Variants in GTF3C5 observed in about 807,000 individuals in gnomAD.
The protein encoded by GTF3C5 is general transcription factor 3C polypeptide 5.
GTF3C5 carries 47 observed loss-of-function variants against 61.0 expected under a neutral mutation model. The ratio of observed to expected loss-of-function variants is 0.77; its 90% CI spans 0.61 to 0.98. GTF3C5 has a LOEUF of 0.98. Ranked by LOEUF, GTF3C5 falls within the 50% of genes least tolerant of loss-of-function variation. The pLI, the probability that GTF3C5 is intolerant of heterozygous loss-of-function variation, is 0.00. For synonymous variants in GTF3C5, 295 were observed against 275.4 expected (o/e 1.07, Z -0.71); for missense variants, 659 against 703.3 (o/e 0.94, Z 0.71).
intron 1 of GTF3C5, among the ~76,000 whole-genome samples, chr9:133,038,942 T>C (rs1355994312): frequency 1.3e-5 from 2 of 152,142 alleles, no homozygotes; most frequent in African/African-American, 4.8e-5. Context: ...GACTGTTATG[T>C]TGTTAGGATT....
intron 5 of GTF3C5, among the ~76,000 whole-genome samples, chr9:133,052,500 C>T (rs1424703769): frequency 1.3e-5 from 2 of 151,924 alleles, no homozygotes; most frequent in Non-Finnish European, 2.9e-5. Flanking sequence ...CCCTCCACAG[C>T]CTGTTGGGCT....
intron 1 of GTF3C5, among the ~76,000 whole-genome samples, chr9:133,036,849 C>T (rs1488098514): frequency 6.6e-6 from 1 of 152,132 alleles, no homozygotes; most frequent in Non-Finnish European, 1.5e-5. Context: ...CAGTTCCTGT[C>T]CTTCGTATCA....
At chr9:133,038,765 C>CT (rs919330052) in intron 1 of GTF3C5, among the ~76,000 whole-genome samples, 5 of 151,720 alleles carry the variant, frequency 3.3e-5, no homozygotes, top group African/African-American at 9.7e-5. Flanking sequence ...CTCCTAGGGG[C>CT]TTTTTTTTCA....
upstream of GTF3C5, chr9:133,030,760 C>T: frequency 5.0e-6 from 3 of 600,618 alleles, no homozygotes; most frequent in Middle Eastern, 3.4e-4. Context: ...CTGGTGCTTG[C>T]CCCGCCCGGT....
intron 5 of GTF3C5, among the ~76,000 whole-genome samples, chr9:133,053,185 G>C (rs912939108): frequency 6.6e-6 from 1 of 152,142 alleles, no homozygotes; most frequent in Admixed American, 6.5e-5. Context: ...TCCGTTTAGG[G>C]ACAGAAGATG....
chr9:133,044,317 G>A (rs919398884), intron 3 of GTF3C5: 5 of 205,490 alleles, frequency 2.4e-5, no homozygotes, highest in African/African-American at 1.2e-4. Flanking sequence ...CAGTCCTGAG[G>A]ACAGTGCAAA....
chr9:133,034,618 G>A (rs535253209), intron 1 of GTF3C5, among the ~76,000 whole-genome samples: 6 of 152,140 alleles, frequency 3.9e-5, no homozygotes, highest in Middle Eastern at 3.4e-3. Flanking sequence ...CTTTTCAGCC[G>A]TTCGAATCGC....
At chr9:133,048,113 A>C (rs1263847882) in intron 3 of GTF3C5, among the ~76,000 whole-genome samples, 1 of 150,888 alleles carries the variant, frequency 6.6e-6, no homozygotes, top group Admixed American at 6.6e-5. Context: ...TGGGTGACAG[A>C]GTGGGACCGT....
At chr9:133,057,744 C>T in intron 10 of GTF3C5, 70 bp from the exon 11 acceptor site, 1 of 1,440,790 alleles carries the variant, frequency 6.9e-7, no homozygotes, top group South Asian at 1.4e-5. Flanking sequence ...TCCCCAGAGC[C>T]TGGTGGCCTT....
chr9:133,056,116 A>C (rs747548163), intron 9 of GTF3C5, 22 bp downstream of exon 9: 1 of 1,604,822 alleles, frequency 6.2e-7, no homozygotes, highest in Non-Finnish European at 8.5e-7. Flanking sequence ...AGGGGCCCTG[A>C]GACACTGAGG....
intron 3 of GTF3C5, among the ~76,000 whole-genome samples, chr9:133,048,603 A>T (rs764787972): frequency 1.3e-5 from 2 of 152,054 alleles, no homozygotes; most frequent in African/African-American, 4.8e-5. Flanking sequence ...CAGGATGTGG[A>T]GGTTGAGGTG....
intron 1 of GTF3C5, among the ~76,000 whole-genome samples, chr9:133,040,657 G>A (rs1351687944): frequency 6.6e-6 from 1 of 152,020 alleles, no homozygotes; most frequent in Non-Finnish European, 1.5e-5. Context: ...ATCTCATTTG[G>A]ACCTCGAAAC....
At position 133,043,828 on chromosome 9, in the gene GTF3C5, C is replaced by G. The variant is rs1215340220; in HGVS notation, c.474C>G (p.Ala158=). The part of the protein sequence containing the change: ...KVLMLRPEKE[A]FFHQELPLYI... Reference sequence around the variant, plus strand: ...TCATGCTCCGGCCCGAGAAGGAGGCCTTTTTCCACCAGGAGCTGCCGCTCT... The same window carrying G: ...TCATGCTCCGGCCCGAGAAGGAGGCGTTTTTCCACCAGGAGCTGCCGCTCT... Residue 158 remains alanine, a synonymous_variant, in exon 3 of 11, where the codon GCC becomes GCG. Coordinates refer to ENST00000372097, the MANE Select transcript of GTF3C5 (RefSeq NM_012087.4). 1 of 1,614,098 alleles carries G rather than the reference C, an allele frequency of 6.2e-7. No homozygotes were observed. Among genetic ancestry groups the G allele is most frequent in the Non-Finnish European group, 8.5e-7 (1 of 1,179,950 alleles).
intron 5 of GTF3C5, 85 bp from the exon 6 acceptor site, chr9:133,053,743 T>C: frequency 1.3e-6 from 1 of 797,772 alleles, no homozygotes; most frequent in Non-Finnish European, 2.1e-6. Flanking sequence ...TCCTGAGCTC[T>C]TCTGCTGCCT....
Position 133,050,768 on chromosome 9 carries a change from A to G in GTF3C5, c.573-15A>G. The stretch of plus-strand genomic sequence containing the variant: ...CCTTGGTGCTCCTGTTCTCACCTGT[A>G]CTCTCTGCCCCCAGGGAAGGCTACA... On this transcript the variant is annotated splice_polypyrimidine_tract_variant and intron_variant, in intron 3 of 10. Transcript: ENST00000372097. The G allele has an allele frequency of 6.3e-7, 1 of 1,599,958 alleles. No homozygotes were observed. The highest frequency in any genetic ancestry group is 1.3e-5 in the African/African-American group (1 of 74,412).
In GTF3C5 at chr9:133,052,092, T is replaced by C. The variant is rs773658200; in HGVS notation, c.801T>C (p.Asn267=). ...LFDIRPIWSR[N]AVKANISVHP... is the part of the protein sequence containing the mutation. ...ACATCCGTCCCATCTGGTCCCGAAA[T>C]GCTGTCAAGGCCAACATCAGCGTCC... Residue 267 remains asparagine (N), a synonymous_variant, in exon 5 of 11, where the codon AAT becomes AAC. Transcript: ENST00000372097. The C allele has an allele frequency of 6.2e-7, 1 of 1,609,056 alleles. No individual in the cohort carries two copies. The highest frequency in any genetic ancestry group is 8.5e-7 in the Non-Finnish European group (1 of 1,177,202).
chr9:133,038,002 CA>C, intron 1 of GTF3C5, among the ~76,000 whole-genome samples: 1 of 152,140 alleles, frequency 6.6e-6, no homozygotes, highest in East Asian at 1.9e-4. Flanking sequence ...AGTTGGACCG[CA>C]CAATCTAAGC....
At chr9:133,046,709 A>G (rs2119007266) in intron 3 of GTF3C5, among the ~76,000 whole-genome samples, 1 of 152,226 alleles carries the variant, frequency 6.6e-6, no homozygotes, top group East Asian at 1.9e-4. Context: ...AAAGGAGATC[A>G]TGGGGAGTGG....
chr9:133,042,678 G>A (rs930360017), intron 2 of GTF3C5, among the ~76,000 whole-genome samples: 2 of 152,112 alleles, frequency 1.3e-5, no homozygotes, highest in Non-Finnish European at 2.9e-5. Context: ...CCTAGCTCCC[G>A]AAGCCCCTTG....
Sources: gnomAD v4.1 joint callset for allele counts (sites outside exome capture counted in the v4.1 genomes callset) on GRCh38, gnomAD v4.1.1 for gene constraint, MANE v1.5 for transcripts, NCBI Gene and HGNC (gene_info 2026-07-23, HGNC 2026-07-21) for gene names.